The following LRMDA variants were observed in gnomAD, a reference collection of about 807,000 sequenced individuals.
LRMDA encodes the protein leucine rich melanocyte differentiation associated.
LRMDA carries 18 observed loss-of-function variants against 29.8 expected under a neutral mutation model. The observed-to-expected ratio is 0.60, with a 90% CI of 0.42 to 0.90. LRMDA has a LOEUF of 0.90. Ranked by LOEUF, LRMDA falls within the 40% of genes least tolerant of loss-of-function variation. The probability of loss-of-function intolerance (pLI) is 0.00; values close to 1 mark genes in which losing one functional copy is unlikely to be tolerated. For synonymous variants in LRMDA, 125 were observed against 109.4 expected (o/e 1.14, Z -0.89); for missense variants, 273 against 273.9 (o/e 1.00, Z 0.02).
At chr10:76,056,430 A>G (rs1589306947) in intron 4 of LRMDA, among the ~76,000 whole-genome samples, 1 of 152,084 alleles carries the variant, frequency 6.6e-6, no homozygotes, top group Non-Finnish European at 1.5e-5. Flanking sequence ...ACCCCTTTCC[A>G]CCTAGGAGCC....
intron 2 of LRMDA, among the ~76,000 whole-genome samples, chr10:75,698,867 T>C (rs1418766608): frequency 6.6e-6 from 1 of 152,208 alleles, no homozygotes; most frequent in Non-Finnish European, 1.5e-5. Context: ...TTTTTGTTGT[T>C]GTTACAAATA....
intron 6 of LRMDA, among the ~76,000 whole-genome samples, chr10:76,369,909 A>G (rs1841433312): frequency 6.6e-6 from 1 of 152,132 alleles, no homozygotes; most frequent in Non-Finnish European, 1.5e-5. Context: ...CATCTACGAG[A>G]TGACAAATGT....
chr10:76,307,976 G>A (rs1465190917), intron 5 of LRMDA, among the ~76,000 whole-genome samples: 1 of 152,076 alleles, frequency 6.6e-6, no homozygotes, highest in African/African-American at 2.4e-5. Flanking sequence ...GTTCAACAAG[G>A]GAGATTCTAC....
At chr10:76,539,292 G>A (rs997685203) in intron 6 of LRMDA, among the ~76,000 whole-genome samples, 3 of 152,178 alleles carry the variant, frequency 2.0e-5, no homozygotes, top group Non-Finnish European at 4.4e-5. Context: ...GAGAAGGTCT[G>A]TATCATGATG....
In LRMDA at chr10:76,365,107, T is replaced by TATATATATATATATATATACATACAC; in HGVS notation, c.601+40623_601+40624insTATATATATATATATATACATACACA. On this transcript the variant is annotated intron_variant, in intron 6 of 6. Coordinates refer to ENST00000611255, the MANE Select transcript of LRMDA (RefSeq NM_001305581.2). ...ACACATATATATATATATATATATA[T>TATATATATATATATATATACATACAC]ACACACACACACATACACACCACAG... is the stretch of plus-strand genomic sequence containing the variant. Among the ~76,000 whole-genome samples, 3 of 61,202 alleles carry TATATATATATATATATATACATACAC rather than the reference T, an allele frequency of 4.9e-5. 1 individual carries two copies. Among genetic ancestry groups the TATATATATATATATATATACATACAC allele is most frequent in the Non-Finnish European group, 1.3e-4 (3 of 23,082 alleles). The allele number at this position is 61,202 out of a possible 152,430, so 40.2% of individuals were successfully genotyped here.
intron 6 of LRMDA, among the ~76,000 whole-genome samples, chr10:76,369,050 C>A (rs964444500): frequency 2.6e-5 from 4 of 152,136 alleles, no homozygotes; most frequent in African/African-American, 4.8e-5. Context: ...GGTTCTTATC[C>A]ATTCTGCTGT....
chr10:76,056,985 C>T (rs2132052794), intron 4 of LRMDA, among the ~76,000 whole-genome samples: 1 of 152,282 alleles, frequency 6.6e-6, no homozygotes, highest in East Asian at 1.9e-4. Context: ...GCTGCTACTG[C>T]CACCAATAAT....
At chr10:75,646,485 G>A (rs895972864) in intron 2 of LRMDA, among the ~76,000 whole-genome samples, 3 of 152,138 alleles carry the variant, frequency 2.0e-5, no homozygotes, top group Non-Finnish European at 2.9e-5. Context: ...TGTGGCCTCC[G>A]CGAAGAGATA....
intron 6 of LRMDA, among the ~76,000 whole-genome samples, chr10:76,401,246 C>G (rs1436802616): frequency 6.6e-6 from 1 of 152,128 alleles, no homozygotes; most frequent in Non-Finnish European, 1.5e-5. Flanking sequence ...TGTTCTTGTT[C>G]ATGAAGAGCA....
intron 5 of LRMDA, among the ~76,000 whole-genome samples, chr10:76,116,838 C>T (rs1849675234): frequency 6.6e-6 from 1 of 152,102 alleles, no homozygotes; most frequent in Non-Finnish European, 1.5e-5. Flanking sequence ...ACCTTTGATG[C>T]CCTATGTGTC....
chr10:75,767,048 G>A (rs973996830), intron 2 of LRMDA, among the ~76,000 whole-genome samples: 2 of 152,092 alleles, frequency 1.3e-5, no homozygotes, highest in African/African-American at 4.8e-5. Context: ...TATTATTGAT[G>A]GGCATTTGTG....
chr10:75,804,661 G>A (rs541159666), intron 2 of LRMDA, among the ~76,000 whole-genome samples: 3 of 152,318 alleles, frequency 2.0e-5, no homozygotes, highest in East Asian at 1.9e-4. Flanking sequence ...CTGCCATTCC[G>A]AGGCCTGGGC....
chr10:75,684,498 TAAATA>T, intron 2 of LRMDA, among the ~76,000 whole-genome samples: 1 of 152,280 alleles, frequency 6.6e-6, no homozygotes, highest in African/African-American at 2.4e-5. Flanking sequence ...TCCTAAGTCT[TAAATA>T]AAAATAAATA....
At chr10:75,436,424 T>C (rs898482265) in intron 1 of LRMDA, among the ~76,000 whole-genome samples, 5 of 151,916 alleles carry the variant, frequency 3.3e-5, no homozygotes, top group Admixed American at 3.3e-4. Context: ...GTGAGCGCCA[T>C]GGACCTGGGG....
chr10:75,462,986 A>T (rs1844605089), intron 2 of LRMDA, among the ~76,000 whole-genome samples: 1 of 152,230 alleles, frequency 6.6e-6, no homozygotes, highest in African/African-American at 2.4e-5. Context: ...AACTGTTAGT[A>T]TCACTGAGCT....
intron 6 of LRMDA, among the ~76,000 whole-genome samples, chr10:76,358,931 C>T (rs985378030): frequency 3.5e-4 from 53 of 152,272 alleles, no homozygotes; most frequent in African/African-American, 1.1e-3. Context: ...AGATGTTTGG[C>T]GTCCCGCTGG....
chr10:76,262,583 C>T (rs771510651), intron 5 of LRMDA, among the ~76,000 whole-genome samples: 14 of 152,188 alleles, frequency 9.2e-5, no homozygotes, highest in African/African-American at 2.7e-4. Context: ...TATATGTGTT[C>T]GGCACCTACA....
intron 6 of LRMDA, among the ~76,000 whole-genome samples, chr10:76,481,272 A>G (rs1038342903): frequency 3.3e-5 from 5 of 151,922 alleles, no homozygotes; most frequent in Non-Finnish European, 7.4e-5. Context: ...TTTGATTTTT[A>G]GATTGTAGCC....
chr10:75,550,215 T>A (rs1359096053), intron 2 of LRMDA, among the ~76,000 whole-genome samples: 1 of 152,170 alleles, frequency 6.6e-6, no homozygotes, highest in Non-Finnish European at 1.5e-5. Context: ...TTCAATTTGG[T>A]TGATAGTGTT....
Sources: gnomAD v4.1 joint callset for allele counts (sites outside exome capture counted in the v4.1 genomes callset) on GRCh38, gnomAD v4.1.1 for gene constraint, MANE v1.5 for transcripts, NCBI Gene and HGNC (gene_info 2026-07-23, HGNC 2026-07-21) for gene names.